Variants in SLC67A1 observed in about 807,000 individuals in gnomAD.
SLC67A1 encodes the protein solute carrier family 67 member 1.
At chr11:2,921,554 G>T in the SLC67A1 span, 2 of 163,326 alleles carry the variant, frequency 1.2e-5, no homozygotes, top group African/African-American at 2.6e-5. Flanking sequence ...CTGCGGCCAA[G>T]CCTGTCCCAC....
At chr11:2,905,865 C>T in the SLC67A1 span, among the ~76,000 whole-genome samples, 2 of 152,114 alleles carry the variant, frequency 1.3e-5, no homozygotes, top group South Asian at 2.1e-4. Context: ...TGCAGAGAAA[C>T]GGGGAGAGAG....
At chr11:2,925,003 C>A in the SLC67A1 span, 7 of 1,600,968 alleles carry the variant, frequency 4.4e-6, no homozygotes, top group Non-Finnish European at 5.1e-6. The surrounding 1 kb of genome is among the most constrained non-coding windows in gnomAD (Gnocchi z 6.5). Flanking sequence ...CCCCATGCAC[C>A]CCCCAGGGAC....
At chr11:2,925,137 C>T in the SLC67A1 span, 1 of 1,613,882 alleles carries the variant, frequency 6.2e-7, no homozygotes, top group African/African-American at 1.3e-5. The surrounding 1 kb of genome is among the most constrained non-coding windows in gnomAD (Gnocchi z 6.5). Context: ...CTATCAATAC[C>T]CTTGTCCTCC....
the SLC67A1 span, chr11:2,899,897 C>G: frequency 3.5e-6 from 2 of 579,646 alleles, no homozygotes; most frequent in Non-Finnish European, 5.9e-6. Flanking sequence ...CTCATCCCAT[C>G]TCCTCCTGCC....
chr11:2,914,427 C>T, the SLC67A1 span, among the ~76,000 whole-genome samples: 2 of 152,226 alleles, frequency 1.3e-5, no homozygotes, highest in East Asian at 3.9e-4. Flanking sequence ...CTGGGGCCAG[C>T]GTGCTGGATT....
the SLC67A1 span, chr11:2,903,739 C>T: frequency 1.8e-6 from 1 of 559,080 alleles, no homozygotes; most frequent in East Asian, 3.0e-5. Context: ...CCCCACTTCC[C>T]TCCTGGGGGC....
chr11:2,919,284 C>G, the SLC67A1 span: 1 of 1,582,230 alleles, frequency 6.3e-7, no homozygotes, highest in Non-Finnish European at 8.7e-7. Context: ...GGTACTCACC[C>G]CTGTTCCCCT....
the SLC67A1 span, among the ~76,000 whole-genome samples, chr11:2,905,824 G>T: frequency 7.2e-5 from 11 of 152,348 alleles, no homozygotes; most frequent in Admixed American, 4.6e-4. Context: ...ATGTGAGCAT[G>T]CTCCATTGCC....
chr11:2,903,050 G>A, the SLC67A1 span: 10 of 463,902 alleles, frequency 2.2e-5, no homozygotes, highest in Non-Finnish European at 3.5e-5. Flanking sequence ...GCAGGGGTCG[G>A]GGGGAGCAGC....
the SLC67A1 span, among the ~76,000 whole-genome samples, chr11:2,912,678 C>G: frequency 6.6e-6 from 1 of 152,304 alleles, no homozygotes; most frequent in East Asian, 1.9e-4. Context: ...CTCCAGAGCC[C>G]AGGGCTGAGA....
At chr11:2,919,590 G>T in the SLC67A1 span, 1 of 590,292 alleles carries the variant, frequency 1.7e-6, no homozygotes, top group Non-Finnish European at 3.0e-6. Flanking sequence ...TGCAGTGGTG[G>T]GCACGCTGTG....
chr11:2,921,354 A>G, the SLC67A1 span: 1 of 152,190 alleles, frequency 6.6e-6, no homozygotes, highest in African/African-American at 2.4e-5. Flanking sequence ...CCTGGCAGGA[A>G]TTTGGGAGGG....
At chr11:2,903,436 G>A in the SLC67A1 span, 99 of 1,613,134 alleles carry the variant, frequency 6.1e-5, 1 homozygote, top group South Asian at 6.6e-4. Flanking sequence ...GCTTACCTAC[G>A]TGCTGGCCGC....
the SLC67A1 span, among the ~76,000 whole-genome samples, chr11:2,912,051 ATG>A: frequency 6.6e-6 from 1 of 152,180 alleles, no homozygotes; most frequent in Non-Finnish European, 1.5e-5. Flanking sequence ...CCAGGAGATG[ATG>A]AGGCTCCCTC....
chr11:2,918,427 C>T, the SLC67A1 span, among the ~76,000 whole-genome samples: 1 of 152,260 alleles, frequency 6.6e-6, no homozygotes, highest in African/African-American at 2.4e-5. Context: ...GTCTGAGTGT[C>T]ACCACTGCCT....
the SLC67A1 span, among the ~76,000 whole-genome samples, chr11:2,912,278 C>A: frequency 2.0e-5 from 3 of 152,326 alleles, no homozygotes; most frequent in South Asian, 6.2e-4. Flanking sequence ...CACACCTCCC[C>A]CTCGGGGGCT....
At chr11:2,913,832 C>T in the SLC67A1 span, among the ~76,000 whole-genome samples, 1 of 152,182 alleles carries the variant, frequency 6.6e-6, no homozygotes, top group Admixed American at 6.5e-5. Context: ...TAAGGTGAGG[C>T]TTGATGAGGG....
the SLC67A1 span, chr11:2,916,423 C>A: frequency 1.9e-6 from 1 of 529,388 alleles, no homozygotes; most frequent in Non-Finnish European, 3.3e-6. Context: ...TGGTGAGCGC[C>A]CCACCCATTC....
chr11:2,914,423 C>T, the SLC67A1 span, among the ~76,000 whole-genome samples: 1 of 152,130 alleles, frequency 6.6e-6, no homozygotes, highest in African/African-American at 2.4e-5. Context: ...AGGGCTGGGG[C>T]CAGCGTGCTG....
Sources: allele counts gnomAD v4.1 joint callset (sites outside exome capture counted in the v4.1 genomes callset), GRCh38; gene constraint gnomAD v4.1.1; non-coding constraint Gnocchi (gnomAD v3.1); transcripts MANE v1.5; gene names NCBI Gene and HGNC (gene_info 2026-07-23, HGNC 2026-07-21).